The following SMOC1 variants were observed in gnomAD, a reference collection of about 807,000 sequenced individuals.
SMOC1 encodes the protein SPARC-related modular calcium-binding protein 1.
SMOC1 carries 22 observed loss-of-function variants against 56.3 expected under a neutral mutation model. The observed-to-expected ratio is 0.39, with a 90% CI of 0.28 to 0.56. SMOC1 has a LOEUF of 0.56. Among genes scored for constraint, SMOC1 ranks in the 20% least tolerant of loss-of-function variants. SMOC1 has a pLI of 0.61. For missense variants in SMOC1, 509 were observed against 565.4 expected (o/e 0.90, Z 1.01); for synonymous variants, 193 against 215.0 (o/e 0.90, Z 0.89).
At chr14:70,018,658 G>A (rs1256685585) in intron 10 of SMOC1, among the ~76,000 whole-genome samples, 1 of 152,218 alleles carries the variant, frequency 6.6e-6, no homozygotes, top group Non-Finnish European at 1.5e-5. Context: ...TCAGCCGGCA[G>A]AGTCTTCTAG....
At chr14:69,932,152 T>A (rs139643938) in intron 1 of SMOC1, among the ~76,000 whole-genome samples, 1 of 152,342 alleles carries the variant, frequency 6.6e-6, no homozygotes, top group Non-Finnish European at 1.5e-5. Context: ...AACACCCTTC[T>A]TCACCACTAC....
At chr14:69,892,730 A>G (rs542151363) in intron 1 of SMOC1, among the ~76,000 whole-genome samples, 1 of 152,286 alleles carries the variant, frequency 6.6e-6, no homozygotes, top group South Asian at 2.1e-4. Flanking sequence ...AGCAAATCTG[A>G]TATTGTGTCT....
chr14:70,030,185 T>G, intron 11 of SMOC1, 57 bp from the exon 12 acceptor site: 32 of 1,607,422 alleles, frequency 2.0e-5, no homozygotes, highest in Non-Finnish European at 2.6e-5. Flanking sequence ...AACTTCTTGC[T>G]TATATCTGCC....
At chr14:69,952,449 G>A in intron 2 of SMOC1, 146 bp downstream of exon 2, 1 of 934,590 alleles carries the variant, frequency 1.1e-6, no homozygotes, top group Non-Finnish European at 1.6e-6. Context: ...CAGGGCCAAG[G>A]GAAGAAAGCC....
chr14:69,955,103 G>A (rs1875709733), intron 3 of SMOC1, among the ~76,000 whole-genome samples: 2 of 152,180 alleles, frequency 1.3e-5, no homozygotes, highest in Admixed American at 6.5e-5. Flanking sequence ...AAGCCTGTGA[G>A]GTAGGTGTCA....
intron 1 of SMOC1, among the ~76,000 whole-genome samples, chr14:69,927,312 A>C (rs745463973): frequency 3.9e-5 from 6 of 152,230 alleles, no homozygotes; most frequent in Non-Finnish European, 7.3e-5. Flanking sequence ...TGGGGCCTAC[A>C]AGTGCTGGAC....
chr14:70,025,958 ATTC>A lies in SMOC1; in HGVS notation c.1291+2517_1291+2519del, dbSNP rs1449040962. Among the ~76,000 whole-genome samples, 3 of 152,334 alleles carry A rather than the reference ATTC, an allele frequency of 2.0e-5. No homozygotes were observed. The South Asian group carries it at 6.2e-4, about 32-fold the overall frequency. Reference sequence around the variant, plus strand: ...AACTCAATAGAAGTTCAATACTACTATTCTTCTTTGTAAGATGAACTTACACTG... The same window carrying A: ...AACTCAATAGAAGTTCAATACTACTATTCTTTGTAAGATGAACTTACACTG... On this transcript the variant is annotated intron_variant, in intron 11 of 11. Coordinates refer to ENST00000361956, the MANE Select transcript of SMOC1 (RefSeq NM_001034852.3).
intron 10 of SMOC1, among the ~76,000 whole-genome samples, chr14:70,015,753 A>T (rs776470137): frequency 6.6e-6 from 1 of 152,134 alleles, no homozygotes; most frequent in Non-Finnish European, 1.5e-5. Flanking sequence ...GATAGAGAGG[A>T]CAGCACATCC....
At chr14:69,921,677 T>C (rs1486483367) in intron 1 of SMOC1, among the ~76,000 whole-genome samples, 1 of 152,174 alleles carries the variant, frequency 6.6e-6, no homozygotes, top group Admixed American at 6.5e-5. Flanking sequence ...GAGTCTTCCA[T>C]TTTTTAACAT....
intron 10 of SMOC1, among the ~76,000 whole-genome samples, chr14:70,021,472 T>C (rs1885721084): frequency 6.6e-6 from 1 of 152,188 alleles, no homozygotes; most frequent in Non-Finnish European, 1.5e-5. Flanking sequence ...CTCCTGAGCC[T>C]GGTTTCCATG....
intron 1 of SMOC1, among the ~76,000 whole-genome samples, chr14:69,933,309 T>G (rs1594809647): frequency 6.6e-6 from 1 of 152,192 alleles, no homozygotes; most frequent in South Asian, 2.1e-4. Flanking sequence ...GTTCTCCCAT[T>G]TAAAATGTTC....
At chr14:69,956,075 G>A (rs1317606020) in intron 3 of SMOC1, among the ~76,000 whole-genome samples, 1 of 152,220 alleles carries the variant, frequency 6.6e-6, no homozygotes, top group Non-Finnish European at 1.5e-5. Context: ...GGCCAGACCA[G>A]GTGGTGTTTA....
At chr14:69,911,592 T>A (rs1884557514) in intron 1 of SMOC1, among the ~76,000 whole-genome samples, 1 of 152,222 alleles carries the variant, frequency 6.6e-6, no homozygotes, top group Non-Finnish European at 1.5e-5. Context: ...AAAAGGATGT[T>A]ACATAAGTGG....
At chr14:69,902,764 G>A (rs892056223) in intron 1 of SMOC1, among the ~76,000 whole-genome samples, 31 of 152,204 alleles carry the variant, frequency 2.0e-4, no homozygotes, top group Admixed American at 2.0e-3. Context: ...TTGCAGGCGC[G>A]CGCCGCCACG....
intron 1 of SMOC1, among the ~76,000 whole-genome samples, chr14:69,886,848 CAT>C (rs535259573): frequency 3.2e-4 from 48 of 152,226 alleles, no homozygotes; most frequent in Non-Finnish European, 5.7e-4. Context: ...GTAGAGCTGA[CAT>C]GTGAAATTTA....
intron 3 of SMOC1, among the ~76,000 whole-genome samples, chr14:69,973,191 C>T (rs910599933): frequency 6.6e-6 from 1 of 152,210 alleles, no homozygotes; most frequent in African/African-American, 2.4e-5. Flanking sequence ...GCAGCATTTC[C>T]CACCCAAGTC....
chr14:69,972,619 G>A (rs1423749915), intron 3 of SMOC1, among the ~76,000 whole-genome samples: 1 of 152,168 alleles, frequency 6.6e-6, no homozygotes, highest in East Asian at 1.9e-4. Context: ...GAAAGGAGCT[G>A]TGTTTGGGCC....
chr14:69,904,769 A>G (rs1391670830), intron 1 of SMOC1, among the ~76,000 whole-genome samples: 4 of 152,216 alleles, frequency 2.6e-5, no homozygotes, highest in Non-Finnish European at 5.9e-5. Context: ...ACTCGGTCTC[A>G]TAGGTGAAAT....
At chr14:69,918,506 G>C (rs1254661487) in intron 1 of SMOC1, among the ~76,000 whole-genome samples, 1 of 152,144 alleles carries the variant, frequency 6.6e-6, no homozygotes, top group Admixed American at 6.5e-5. Flanking sequence ...AGGATTACAG[G>C]TGTGAGCCAC....
Sources: gnomAD v4.1 joint callset for allele counts (sites outside exome capture counted in the v4.1 genomes callset) on GRCh38, gnomAD v4.1.1 for gene constraint, MANE v1.5 for transcripts, NCBI Gene and HGNC (gene_info 2026-07-23, HGNC 2026-07-21) for gene names.